Variants in INPP5B observed in about 807,000 individuals in gnomAD.
The protein encoded by INPP5B is type II inositol 1,4,5-trisphosphate 5-phosphatase.
A neutral mutation model predicts 118.5 loss-of-function variants in INPP5B; 90 were observed. The ratio of observed to expected loss-of-function variants is 0.76; its 90% CI spans 0.64 to 0.90. INPP5B has a LOEUF of 0.90. Among genes scored for constraint, INPP5B ranks in the 40% least tolerant of loss-of-function variants. INPP5B has a pLI of 0.00. For missense variants in INPP5B, 984 were observed against 1,125.6 expected, an observed-to-expected ratio of 0.87 and a Z score of 1.80; for synonymous variants, 385 against 418.9, an observed-to-expected ratio of 0.92 and a Z score of 0.99.
intron 22 of INPP5B, among the ~76,000 whole-genome samples, chr1:37,865,525 C>T (rs1288976999): frequency 6.6e-6 from 1 of 152,070 alleles, no homozygotes; most frequent in African/African-American, 2.4e-5. Flanking sequence ...AGACTGGGCA[C>T]ATGGGAGGCA....
At chr1:37,884,495 C>T (rs1643396068) in intron 13 of INPP5B, among the ~76,000 whole-genome samples, 1 of 152,004 alleles carries the variant, frequency 6.6e-6, no homozygotes, top group Non-Finnish European at 1.5e-5. Flanking sequence ...GTTGCCCAGG[C>T]TAGTCTTGAA....
chr1:37,885,275 A>G (rs1201631988), intron 13 of INPP5B, among the ~76,000 whole-genome samples: 1 of 151,612 alleles, frequency 6.6e-6, no homozygotes, highest in African/African-American at 2.4e-5. Context: ...TTAGCCAGGC[A>G]TGGTGGCAGG....
intron 6 of INPP5B, among the ~76,000 whole-genome samples, chr1:37,933,995 G>A (rs1557720756): frequency 2.0e-5 from 3 of 151,054 alleles, no homozygotes; most frequent in Non-Finnish European, 4.4e-5. Context: ...ATGCAGTAAC[G>A]TGATCTCTGC....
intron 7 of INPP5B, among the ~76,000 whole-genome samples, chr1:37,898,419 G>A (rs967358777): frequency 9.8e-5 from 15 of 152,298 alleles, no homozygotes; most frequent in African/African-American, 3.6e-4. Context: ...AACTGGGCTG[G>A]GCACGGTGGC....
At chr1:37,927,691 C>G (rs1360819567) in intron 7 of INPP5B, among the ~76,000 whole-genome samples, 1 of 152,034 alleles carries the variant, frequency 6.6e-6, no homozygotes, top group Non-Finnish European at 1.5e-5. Context: ...CGCCCACCAC[C>G]ATGCCCGGCT....
chr1:37,937,115 A>T (rs1037522361), intron 6 of INPP5B, among the ~76,000 whole-genome samples: 6 of 151,820 alleles, frequency 4.0e-5, no homozygotes, highest in African/African-American at 1.2e-4. Flanking sequence ...GTTCGAGACC[A>T]GCCTGAACAA....
At chr1:37,899,411 A>C (rs924025667) in intron 7 of INPP5B, among the ~76,000 whole-genome samples, 1 of 151,590 alleles carries the variant, frequency 6.6e-6, no homozygotes, top group African/African-American at 2.4e-5. Flanking sequence ...TTAAAATACA[A>C]AATAGCCAGC....
At chr1:37,901,781 T>TCTTG (rs1283329490) in intron 7 of INPP5B, among the ~76,000 whole-genome samples, 1 of 152,080 alleles carries the variant, frequency 6.6e-6, no homozygotes, top group East Asian at 1.9e-4. Context: ...TCAGAGCAGC[T>TCTTG]CTTGACCAGA....
Position 37,875,722 on chromosome 1 carries a change from A to G in INPP5B, c.1678-6T>C. Reference sequence around the variant, plus strand: ...TCGTCATTTACGACCCTCACCTGAAAGGGAAACATCAGAGACTGAGTACCT... The same window carrying G: ...TCGTCATTTACGACCCTCACCTGAAGGGGAAACATCAGAGACTGAGTACCT... On this transcript the variant is annotated splice_region_variant and splice_polypyrimidine_tract_variant and intron_variant, in intron 16 of 23. Transcript: ENST00000373024. 6.2e-7 allele frequency: 1 copy of G among 1,608,030 alleles called. No individual in the cohort carries two copies. The highest frequency in any genetic ancestry group is 8.5e-7 in the Non-Finnish European group (1 of 1,174,456).
intron 3 of INPP5B, among the ~76,000 whole-genome samples, chr1:37,944,435 G>A (rs1220150018): frequency 1.3e-5 from 2 of 151,858 alleles, no homozygotes; most frequent in Admixed American, 6.6e-5. Context: ...TAAATTATTT[G>A]AAATAGAGAT....
intron 15 of INPP5B, among the ~76,000 whole-genome samples, chr1:37,879,656 G>A (rs766758655): frequency 3.3e-5 from 5 of 152,010 alleles, no homozygotes; most frequent in Non-Finnish European, 2.9e-5. Context: ...TACTTGGGAG[G>A]ATGAGGCAGG....
chr1:37,868,458 C>A lies in INPP5B; in HGVS notation c.2301+43G>T, dbSNP rs757747530. On this transcript the variant is annotated intron_variant, in intron 20 of 23. Transcript: ENST00000373024. ...TTCTTGGGGCTGATGGTCCTCAAGG[C>A]AGCCTGGCCTCAATCAGGTCTGAAT... The A allele has an allele frequency of 1.4e-5, 19 of 1,331,932 alleles. No individual in the cohort carries two copies. The Admixed American group carries it at 2.0e-4, about 14-fold the overall frequency. 82.5% of individuals were successfully genotyped at this position (1,331,932 alleles called of 1,614,324 possible). A position where few individuals can be genotyped will look rare whatever the true frequency, so the allele number is the denominator to read the frequency against.
At chr1:37,872,554 GC>G in intron 19 of INPP5B, among the ~76,000 whole-genome samples, 1 of 151,776 alleles carries the variant, frequency 6.6e-6, no homozygotes, top group Middle Eastern at 3.4e-3. Flanking sequence ...GACTGAGCTA[GC>G]CTTCTGAATG....
At chr1:37,926,564 G>C (rs1570336059) in intron 7 of INPP5B, among the ~76,000 whole-genome samples, 1 of 152,128 alleles carries the variant, frequency 6.6e-6, no homozygotes, top group African/African-American at 2.4e-5. Flanking sequence ...TTACAGGCTT[G>C]AGCCACCACA....
At position 37,871,731 on chromosome 1, in the gene INPP5B, C is replaced by A. The variant is rs549921374; in HGVS notation, c.2187+1199G>T. 4.0e-5 allele frequency among the ~76,000 whole-genome samples: 6 copies of A among 150,598 alleles called. No individual in the cohort carries two copies. In the South Asian group the frequency reaches 1.3e-3, roughly 32 times the overall value. On this transcript the variant is annotated intron_variant, in intron 19 of 23. Transcript: ENST00000373024. Reference sequence around the variant, plus strand: ...CAGCCTGGCCAACATGGTGAAATCCCGTCTCTACTAAAATACCAAAATTAG... The same window carrying A: ...CAGCCTGGCCAACATGGTGAAATCCAGTCTCTACTAAAATACCAAAATTAG...
At chr1:37,895,007 A>G (rs143423033) in intron 7 of INPP5B, among the ~76,000 whole-genome samples, 15 of 152,326 alleles carry the variant, frequency 9.8e-5, no homozygotes, top group African/African-American at 3.6e-4. Flanking sequence ...TAGTTACTTA[A>G]TAATTATTTC....
At chr1:37,894,528 C>T (rs566016986) in intron 7 of INPP5B, among the ~76,000 whole-genome samples, 4 of 151,872 alleles carry the variant, frequency 2.6e-5, no homozygotes, top group Non-Finnish European at 5.9e-5. Flanking sequence ...CGCAATGAAC[C>T]TGAATCCCCA....
At position 37,946,257 on chromosome 1, in the gene INPP5B, C is replaced by T. The variant is rs375649873; in HGVS notation, c.52G>A (p.Val18Ile). 50 of 1,610,502 alleles carry T rather than the reference C, an allele frequency of 3.1e-5. No individual in the cohort carries two copies. In the Admixed American group the frequency reaches 3.2e-4, roughly 10 times the overall value. ...AGTTAGCACAGGAAGGATATGATGA[C>T]GCAGTATTCCCCCTCAGCCAGCGTC... The part of the protein sequence containing the change: ...QETLAEGEYC[V>I]IAVQGVLCEG... The change falls in exon 2 of 24, where the codon GTC (valine) becomes ATC (isoleucine). Residue 18 changes from valine (V) to isoleucine (I), a missense_variant. By Grantham distance (29) the Val-to-Ile change is conservative. Coordinates refer to ENST00000373024, the MANE Select transcript of INPP5B (RefSeq NM_005540.3).
Position 37,932,072 on chromosome 1 carries a change from G to C in INPP5B, c.392-19C>G, listed in dbSNP as rs762531248. The C allele has an allele frequency of 1.2e-5, 18 of 1,559,712 alleles. No homozygotes were observed. Among genetic ancestry groups the C allele is most frequent in the Non-Finnish European group, 1.4e-5 (16 of 1,153,760 alleles). On this transcript the variant is annotated intron_variant, in intron 6 of 23. Coordinates refer to ENST00000373024, the MANE Select transcript of INPP5B (RefSeq NM_005540.3). ...TCGAAGCCTGTGCAGGAACAAATGG[G>C]GGCAGACTGAGCCACGAGCTTGAAG...
Sources: allele counts gnomAD v4.1 joint callset (sites outside exome capture counted in the v4.1 genomes callset), GRCh38; gene constraint gnomAD v4.1.1; transcripts MANE v1.5; gene names NCBI Gene and HGNC (gene_info 2026-07-23, HGNC 2026-07-21).